KCNH1: variants seen among roughly 807,000 people sequenced by gnomAD.
KCNH1 encodes the protein voltage-gated delayed rectifier potassium channel KCNH1.
KCNH1 carries 27 observed loss-of-function variants against 69.2 expected under a neutral mutation model. The ratio of observed to expected loss-of-function variants is 0.39; its 90% confidence interval spans 0.29 to 0.54. KCNH1 has a LOEUF of 0.54. KCNH1 is among the 20% of genes least tolerant of loss of function. The probability of loss-of-function intolerance (pLI) is 0.68; values close to 1 mark genes in which losing one functional copy is unlikely to be tolerated. For missense variants in KCNH1, 798 were observed against 1,261.6 expected, an observed-to-expected ratio of 0.63 and a Z score of 5.57; for synonymous variants, 456 against 487.7, an observed-to-expected ratio of 0.93 and a Z score of 0.86.
At chr1:210,859,014 A>T (rs1558500098) in intron 7 of KCNH1, 1 of 454,206 alleles carries the variant, frequency 2.2e-6, no homozygotes, top group Non-Finnish European at 4.0e-6. Context: ...AGGTTGCATG[A>T]TCAGGTCCCA....
At chr1:210,829,631 C>T (rs1685116271) in intron 7 of KCNH1, among the ~76,000 whole-genome samples, 1 of 152,174 alleles carries the variant, frequency 6.6e-6, no homozygotes, top group Admixed American at 6.5e-5. Flanking sequence ...GCTTTTAGGG[C>T]CTTTGCACTG....
intron 7 of KCNH1, among the ~76,000 whole-genome samples, chr1:210,878,693 A>T (rs1686433025): frequency 6.6e-6 from 1 of 152,114 alleles, no homozygotes; most frequent in Non-Finnish European, 1.5e-5. Flanking sequence ...GAAAGATCTA[A>T]AATCAATCAC....
At chr1:211,031,896 G>T (rs563469447) in intron 5 of KCNH1, among the ~76,000 whole-genome samples, 3 of 152,184 alleles carry the variant, frequency 2.0e-5, no homozygotes, top group Non-Finnish European at 4.4e-5. Context: ...ACATAGTGTT[G>T]GAAGTTCTGG....
At chr1:210,995,322 T>G (rs1256163304) in intron 6 of KCNH1, among the ~76,000 whole-genome samples, 1 of 152,174 alleles carries the variant, frequency 6.6e-6, no homozygotes, top group Non-Finnish European at 1.5e-5. Context: ...TGTGACTGCA[T>G]GAAAGAATGA....
chr1:210,698,068 A>G (rs548680649), intron 10 of KCNH1, among the ~76,000 whole-genome samples: 4 of 152,344 alleles, frequency 2.6e-5, no homozygotes, highest in South Asian at 2.1e-4. Context: ...CCTGAATCCA[A>G]TATAGAACAG....
At chr1:211,081,040 A>G (rs1026599746) in intron 5 of KCNH1, among the ~76,000 whole-genome samples, 2 of 152,146 alleles carry the variant, frequency 1.3e-5, no homozygotes, top group African/African-American at 4.8e-5. Flanking sequence ...AACCTACAAA[A>G]TGGGAGAAAA....
intron 6 of KCNH1, among the ~76,000 whole-genome samples, chr1:210,940,016 T>G (rs2102586629): frequency 6.6e-6 from 1 of 152,324 alleles, no homozygotes; most frequent in East Asian, 1.9e-4. Flanking sequence ...CAGAGATGAC[T>G]TCAAGAATAA....
intron 6 of KCNH1, among the ~76,000 whole-genome samples, chr1:211,015,565 G>C (rs1314040759): frequency 6.6e-6 from 1 of 152,102 alleles, no homozygotes; most frequent in African/African-American, 2.4e-5. Flanking sequence ...CACGGTGCTA[G>C]GACTCTTGTT....
At chr1:210,736,462 G>A (rs1057417213) in intron 10 of KCNH1, among the ~76,000 whole-genome samples, 8 of 151,988 alleles carry the variant, frequency 5.3e-5, no homozygotes, top group Admixed American at 1.3e-4. Context: ...CAGGAGAATC[G>A]CTTGAACCCT....
intron 7 of KCNH1, among the ~76,000 whole-genome samples, chr1:210,914,430 AG>A (rs1687295177): frequency 6.6e-6 from 1 of 152,146 alleles, no homozygotes; most frequent in Non-Finnish European, 1.5e-5. Context: ...TCTTTAAATA[AG>A]GTCATGAAGG....
intron 10 of KCNH1, among the ~76,000 whole-genome samples, chr1:210,696,795 A>C (rs906945926): frequency 2.6e-5 from 4 of 152,200 alleles, no homozygotes; most frequent in Admixed American, 6.5e-5. Context: ...TGCTGTTCCT[A>C]AAGCTTTCAG....
intron 7 of KCNH1, among the ~76,000 whole-genome samples, chr1:210,865,098 A>G (rs73071508): frequency 8.5e-5 from 13 of 152,350 alleles, no homozygotes; most frequent in African/African-American, 3.1e-4. Context: ...AGGGTAGAGA[A>G]CAAGTATCAA....
chr1:210,866,821 G>A (rs1342780595), intron 7 of KCNH1, among the ~76,000 whole-genome samples: 1 of 152,008 alleles, frequency 6.6e-6, no homozygotes, highest in African/African-American at 2.4e-5. Context: ...AATGTTCATA[G>A]GAACATTGTT....
At chr1:210,755,340 C>T (rs1336501720) in intron 10 of KCNH1, among the ~76,000 whole-genome samples, 2 of 44,886 alleles carry the variant, frequency 4.5e-5, no homozygotes, top group Non-Finnish European at 4.4e-5. Context: ...GTCCAACAAG[C>T]TTAAGATGAA....
At chr1:210,853,491 G>A (rs952899600) in intron 7 of KCNH1, among the ~76,000 whole-genome samples, 2 of 152,142 alleles carry the variant, frequency 1.3e-5, no homozygotes, top group African/African-American at 2.4e-5. Flanking sequence ...ACTTTCCAAT[G>A]GATCTCAAAT....
intron 6 of KCNH1, among the ~76,000 whole-genome samples, chr1:210,957,383 A>G (rs1326204040): frequency 6.6e-6 from 1 of 152,168 alleles, no homozygotes; most frequent in East Asian, 1.9e-4. Context: ...AGAAGAATGT[A>G]TATTCTGTTG....
intron 7 of KCNH1, among the ~76,000 whole-genome samples, chr1:210,830,770 C>T (rs1574282476): frequency 6.6e-6 from 1 of 152,096 alleles, no homozygotes; most frequent in African/African-American, 2.4e-5. Context: ...CTGTCTTCAC[C>T]TCTTGGAGGG....
intron 7 of KCNH1, among the ~76,000 whole-genome samples, chr1:210,856,764 T>C (rs1232990574): frequency 7.3e-6 from 1 of 137,568 alleles, no homozygotes; most frequent in African/African-American, 2.6e-5. Flanking sequence ...AGGAGGTGTT[T>C]GTTATATATA....
chr1:210,922,407 A>C (rs1402795683), intron 6 of KCNH1, among the ~76,000 whole-genome samples: 3 of 142,280 alleles, frequency 2.1e-5, no homozygotes, highest in African/African-American at 5.2e-5. Flanking sequence ...AAAAAAAAAA[A>C]AAAAAAAAAA....
Sources: allele counts gnomAD v4.1 joint callset (sites outside exome capture counted in the v4.1 genomes callset), GRCh38; gene constraint gnomAD v4.1.1; transcripts MANE v1.5; gene names NCBI Gene and HGNC (gene_info 2026-07-23, HGNC 2026-07-21).